SCAPER: variants seen among roughly 807,000 people sequenced by gnomAD.
The protein encoded by SCAPER is S phase cyclin A-associated protein in the endoplasmic reticulum.
Under a neutral mutation model 182.2 loss-of-function variants are expected in SCAPER, and 98 were observed. That is an observed-to-expected ratio of 0.54 (90% CI 0.46 to 0.64). The LOEUF (loss-of-function observed/expected upper bound fraction) is 0.64, where lower values mean the gene tolerates loss of function less well. SCAPER is among the 30% of genes least tolerant of loss of function. The pLI, the probability that SCAPER is intolerant of heterozygous loss-of-function variation, is 0.00. For synonymous variants in SCAPER, 605 were observed against 564.6 expected, an observed-to-expected ratio of 1.07 and a Z score of -1.01; for missense variants, 1,432 against 1,690.0, an observed-to-expected ratio of 0.85 and a Z score of 2.68.
chr15:76,497,498 AAAG>A (rs369111619), intron 24 of SCAPER, among the ~76,000 whole-genome samples: 55 of 152,264 alleles, frequency 3.6e-4, no homozygotes, highest in African/African-American at 1.2e-3. Flanking sequence ...ACACTGAAAA[AAAG>A]AAGGACACAA....
chr15:76,487,031 T>C (rs2051721866), intron 24 of SCAPER, among the ~76,000 whole-genome samples: 1 of 152,052 alleles, frequency 6.6e-6, no homozygotes, highest in Non-Finnish European at 1.5e-5. Context: ...ATGTCCTTTG[T>C]GGGGATATGG....
chr15:76,808,719 A>G (rs550371020), intron 5 of SCAPER, among the ~76,000 whole-genome samples: 1 of 152,328 alleles, frequency 6.6e-6, no homozygotes, highest in East Asian at 1.9e-4. Context: ...ACCTGCTGGC[A>G]TGCTCCAGAG....
At chr15:76,697,888 C>T (rs988881199) in intron 20 of SCAPER, among the ~76,000 whole-genome samples, 1 of 152,120 alleles carries the variant, frequency 6.6e-6, no homozygotes, top group Non-Finnish European at 1.5e-5. Context: ...GATCCACCCA[C>T]CTCAGCCTCC....
chr15:76,706,009 A>C (rs1357895642), intron 17 of SCAPER, 25 bp from the exon 18 acceptor site: 1 of 1,508,920 alleles, frequency 6.6e-7, no homozygotes, highest in East Asian at 2.5e-5. Context: ...TAAAAATTAT[A>C]AACTCAACTG....
chr15:76,620,876 C>T (rs1025130769), intron 22 of SCAPER, among the ~76,000 whole-genome samples: 13 of 152,068 alleles, frequency 8.5e-5, no homozygotes, highest in African/African-American at 3.1e-4. Flanking sequence ...GGAGGGAGAG[C>T]ATCAAGACAA....
intron 15 of SCAPER, among the ~76,000 whole-genome samples, chr15:76,739,229 G>A (rs550656432): frequency 3.3e-5 from 5 of 152,098 alleles, no homozygotes; most frequent in African/African-American, 1.2e-4. Flanking sequence ...CAGATACTGA[G>A]GGATGACTAC....
chr15:76,809,409 A>G (rs2066425744), intron 5 of SCAPER, among the ~76,000 whole-genome samples: 1 of 152,190 alleles, frequency 6.6e-6, no homozygotes, highest in African/African-American at 2.4e-5. Flanking sequence ...GCCAAGAGAC[A>G]GAAAATACAA....
intron 2 of SCAPER, among the ~76,000 whole-genome samples, chr15:76,873,078 T>C (rs1465263192): frequency 1.4e-5 from 2 of 144,466 alleles, no homozygotes; most frequent in Non-Finnish European, 3.0e-5. Flanking sequence ...AGTAGAATCT[T>C]GTCTCTACAA....
intron 26 of SCAPER, among the ~76,000 whole-genome samples, chr15:76,418,636 G>A (rs2045818706): frequency 6.6e-6 from 1 of 152,240 alleles, no homozygotes; most frequent in Non-Finnish European, 1.5e-5. Flanking sequence ...TCACATGGGT[G>A]CTTGCATCAC....
intron 4 of SCAPER, among the ~76,000 whole-genome samples, chr15:76,850,249 G>C (rs562405353): frequency 6.6e-6 from 1 of 152,208 alleles, no homozygotes; most frequent in African/African-American, 2.4e-5. Flanking sequence ...CTACACTGCA[G>C]TTAAAGGACT....
chr15:76,360,428 G>A (rs1350249749), intron 29 of SCAPER, among the ~76,000 whole-genome samples: 1 of 152,228 alleles, frequency 6.6e-6, no homozygotes, highest in Non-Finnish European at 1.5e-5. Context: ...GTCATTGGTA[G>A]AGCTGGGCTT....
At chr15:76,707,144 C>G (rs1476212786) in intron 17 of SCAPER, among the ~76,000 whole-genome samples, 3 of 151,554 alleles carry the variant, frequency 2.0e-5, no homozygotes, top group Non-Finnish European at 4.4e-5. Flanking sequence ...ATTAAAGTAA[C>G]TAAAATAATT....
At chr15:76,839,571 T>G (rs1599022087) in intron 5 of SCAPER, among the ~76,000 whole-genome samples, 1 of 152,326 alleles carries the variant, frequency 6.6e-6, no homozygotes, top group East Asian at 1.9e-4. Context: ...AAAATACCTT[T>G]TAAACTCCTA....
At chr15:76,551,985 G>A (rs1411265491) in intron 23 of SCAPER, among the ~76,000 whole-genome samples, 2 of 148,832 alleles carry the variant, frequency 1.3e-5, no homozygotes, top group African/African-American at 5.0e-5. Context: ...CCTGCAGGTT[G>A]TAAAGAACAG....
intron 23 of SCAPER, among the ~76,000 whole-genome samples, chr15:76,531,122 G>A (rs1427195562): frequency 6.6e-6 from 1 of 151,950 alleles, no homozygotes; most frequent in Non-Finnish European, 1.5e-5. Flanking sequence ...TGTGAATCTC[G>A]AATAAAAAAG....
chr15:76,367,284 A>T (rs2041875089), intron 29 of SCAPER, among the ~76,000 whole-genome samples: 1 of 152,180 alleles, frequency 6.6e-6, no homozygotes, highest in African/African-American at 2.4e-5. Context: ...TCTGTAACTG[A>T]TGAGGGTCTT....
intron 2 of SCAPER, among the ~76,000 whole-genome samples, chr15:76,881,203 C>T (rs1463409326): frequency 2.6e-5 from 4 of 152,154 alleles, no homozygotes; most frequent in Admixed American, 2.0e-4. Flanking sequence ...TCAAGCGATT[C>T]TCATGCCTCA....
chr15:76,370,279 T>G (rs1162172792), intron 29 of SCAPER, among the ~76,000 whole-genome samples: 2 of 142,314 alleles, frequency 1.4e-5, no homozygotes, highest in East Asian at 4.1e-4. Context: ...TAACATATAA[T>G]TTACCATTTC....
intron 5 of SCAPER, among the ~76,000 whole-genome samples, chr15:76,819,907 C>A (rs954769517): frequency 2.0e-5 from 3 of 152,146 alleles, no homozygotes; most frequent in African/African-American, 7.2e-5. Context: ...AAAAAAACAA[C>A]CCCATCAAAA....
Sources: allele counts gnomAD v4.1 joint callset (sites outside exome capture counted in the v4.1 genomes callset), GRCh38; gene constraint gnomAD v4.1.1; transcripts MANE v1.5; gene names NCBI Gene and HGNC (gene_info 2026-07-23, HGNC 2026-07-21).